Variants in MKLN1 observed in about 807,000 individuals in gnomAD.
MKLN1 encodes the protein muskelin.
A neutral mutation model predicts 99.0 loss-of-function variants in MKLN1; 18 were observed. That is an observed-to-expected ratio of 0.18 (90% CI 0.13 to 0.27). The LOEUF (loss-of-function observed/expected upper bound fraction) is 0.27, where lower values mean the gene tolerates loss of function less well. Ranked by LOEUF, MKLN1 falls within the 10% of genes least tolerant of loss-of-function variation. The pLI is 1.00. For synonymous variants in MKLN1, 288 were observed against 293.2 expected (o/e 0.98, Z 0.18); for missense variants, 621 against 875.9 (o/e 0.71, Z 3.67).
intron 5 of MKLN1, among the ~76,000 whole-genome samples, chr7:131,397,959 G>A (rs1031894670): frequency 5.9e-5 from 9 of 152,096 alleles, no homozygotes; most frequent in African/African-American, 1.7e-4. Flanking sequence ...GTTAATTATA[G>A]TTAACTAATT....
At chr7:131,410,228 G>C (rs1794836247) in intron 6 of MKLN1, among the ~76,000 whole-genome samples, 1 of 152,148 alleles carries the variant, frequency 6.6e-6, no homozygotes, top group Non-Finnish European at 1.5e-5. Flanking sequence ...CAATACAGCA[G>C]AATCAGGAGT....
intron 3 of MKLN1, among the ~76,000 whole-genome samples, chr7:131,255,292 G>A (rs1032803435): frequency 1.3e-5 from 2 of 152,114 alleles, no homozygotes; most frequent in East Asian, 1.9e-4. Context: ...AGAAGTTCAA[G>A]TAACTCCAAA....
chr7:131,336,112 T>G (rs76539070), intron 1 of MKLN1, among the ~76,000 whole-genome samples: 3,610 of 152,158 alleles, frequency 0.024, 139 homozygotes, highest in African/African-American at 0.082. Context: ...AGAACTAAAC[T>G]GTATGCTTTA....
chr7:131,307,145 C>T (rs1798479552), intron 3 of MKLN1, among the ~76,000 whole-genome samples: 1 of 152,070 alleles, frequency 6.6e-6, no homozygotes, highest in Non-Finnish European at 1.5e-5. Flanking sequence ...AGTGTGCTGC[C>T]CCATATCTTG....
intron 2 of MKLN1, among the ~76,000 whole-genome samples, chr7:131,378,501 G>C (rs1793734733): frequency 6.6e-6 from 1 of 152,126 alleles, no homozygotes; most frequent in African/African-American, 2.4e-5. Context: ...TCCCACTCTT[G>C]ATCTGAAAGT....
intron 12 of MKLN1, among the ~76,000 whole-genome samples, chr7:131,461,677 C>T (rs575077001): frequency 2.3e-4 from 35 of 152,172 alleles, no homozygotes; most frequent in South Asian, 2.1e-4. Flanking sequence ...TCTAGGTTGA[C>T]GTAAATATTT....
chr7:131,405,227 A>G (rs1403267468), intron 6 of MKLN1, among the ~76,000 whole-genome samples: 1 of 151,726 alleles, frequency 6.6e-6, no homozygotes, highest in Non-Finnish European at 1.5e-5. Context: ...TCTTGAATAT[A>G]TATATATTTT....
chr7:131,264,417 T>G (rs1217492413), intron 3 of MKLN1, among the ~76,000 whole-genome samples: 11 of 152,206 alleles, frequency 7.2e-5, no homozygotes, highest in Non-Finnish European at 1.6e-4. Flanking sequence ...CCTCTATGTT[T>G]GATGCTTACC....
chr7:131,183,348 C>T (rs981637912), intron 2 of MKLN1, among the ~76,000 whole-genome samples: 1 of 152,132 alleles, frequency 6.6e-6, no homozygotes, highest in Non-Finnish European at 1.5e-5. Flanking sequence ...CTATACTCAG[C>T]TTGACGGGGG....
rs552426022 is a variant in MKLN1 at position 131,428,013 on chromosome 7, C to A, written c.848-1020C>A. 1.1e-3 allele frequency among the ~76,000 whole-genome samples: 168 copies of A among 151,856 alleles called. 1 individual carries two copies. Among genetic ancestry groups the A allele is most frequent in the African/African-American group, 3.3e-3 (137 of 41,438 alleles). Reference sequence around the variant, plus strand: ...CCCCTGTCTGTAACCCCCACCCCCCCAAAAAAAGTTAGCTGGGCATGGTGG... The same window carrying A: ...CCCCTGTCTGTAACCCCCACCCCCCAAAAAAAAGTTAGCTGGGCATGGTGG... On this transcript the variant is annotated intron_variant, in intron 8 of 17. Coordinates refer to ENST00000352689, the MANE Select transcript of MKLN1 (RefSeq NM_013255.5).
intron 2 of MKLN1, among the ~76,000 whole-genome samples, chr7:131,156,537 G>T: frequency 6.6e-6 from 1 of 151,128 alleles, no homozygotes; most frequent in Middle Eastern, 3.5e-3. Flanking sequence ...TCCTGGGCTA[G>T]CGATGTGCAG....
intron 3 of MKLN1, among the ~76,000 whole-genome samples, chr7:131,304,264 A>G (rs1307338216): frequency 6.6e-6 from 1 of 152,212 alleles, no homozygotes; most frequent in East Asian, 1.9e-4. Flanking sequence ...CTAGCTACTC[A>G]GGAGGCTGAA....
Position 131,475,370 on chromosome 7 carries a change from A to G in MKLN1, c.2032-3253A>G, listed in dbSNP as rs568769894. On this transcript the variant is annotated intron_variant, in intron 16 of 17. Transcript: ENST00000352689. ...TGAATTTGTAATAAAAAATTTTCTAACAAAAAAAACTCTAGGCCCATAATA... is the reference window on the plus strand; with the variant it reads ...TGAATTTGTAATAAAAAATTTTCTAGCAAAAAAAACTCTAGGCCCATAATA... Among the ~76,000 whole-genome samples, 16 of 152,326 alleles carry G rather than the reference A, an allele frequency of 1.1e-4. No individual in the cohort carries two copies. In the South Asian group the frequency reaches 3.3e-3, roughly 32 times the overall value.
At chr7:131,171,561 G>A (rs752254817) in intron 2 of MKLN1, among the ~76,000 whole-genome samples, 24 of 152,134 alleles carry the variant, frequency 1.6e-4, no homozygotes, top group Admixed American at 3.9e-4. Context: ...GGGTTCAAGC[G>A]ATTTCCTGCC....
rs556932035 is a variant in MKLN1 at position 131,224,202 on chromosome 7, G to C, written c.-179+21228G>C. ...ATCAATCGCTTGAGGCCAAGAATTT[G>C]AGATCAGCCTGGGCAACACAGAGAA... On this transcript the variant is annotated intron_variant, in intron 3 of 7. Coordinates refer to the MKLN1 transcript ENST00000416992. Among the ~76,000 whole-genome samples the C allele has an allele frequency of 1.1e-3, 160 of 152,242 alleles. 1 individual carries two copies. Among genetic ancestry groups the C allele is most frequent in the African/African-American group, 3.7e-3 (154 of 41,484 alleles).
chr7:131,360,087 A>G (rs1435861531), intron 1 of MKLN1, among the ~76,000 whole-genome samples: 1 of 151,900 alleles, frequency 6.6e-6, no homozygotes, highest in African/African-American at 2.4e-5. Context: ...CCTTGATCTT[A>G]TGTTTGCTTT....
intron 13 of MKLN1, among the ~76,000 whole-genome samples, chr7:131,464,024 T>C (rs573723541): frequency 6.6e-6 from 1 of 152,346 alleles, no homozygotes; most frequent in African/African-American, 2.4e-5. Flanking sequence ...AGCATCTCTT[T>C]CAGTCTTTAG....
chr7:131,458,919 A>G (rs1353803049), intron 12 of MKLN1, among the ~76,000 whole-genome samples: 2 of 152,080 alleles, frequency 1.3e-5, no homozygotes, highest in East Asian at 1.9e-4. Context: ...CTTTTCCTCA[A>G]CCCTTTTAAG....
At chr7:131,158,383 G>A (rs940272623) in intron 2 of MKLN1, among the ~76,000 whole-genome samples, 19 of 152,292 alleles carry the variant, frequency 1.2e-4, no homozygotes, top group African/African-American at 4.3e-4. Flanking sequence ...GCAGTGAGCT[G>A]AGGTCACGCC....
Sources: gnomAD v4.1 joint callset for allele counts (sites outside exome capture counted in the v4.1 genomes callset) on GRCh38, gnomAD v4.1.1 for gene constraint, MANE v1.5 for transcripts, NCBI Gene and HGNC (gene_info 2026-07-23, HGNC 2026-07-21) for gene names.